The following GMDS variants were observed in gnomAD, a reference collection of about 807,000 sequenced individuals.
GMDS encodes GDP-mannose 4,6 dehydratase.
Under a neutral mutation model 49.9 loss-of-function variants are expected in GMDS, and 20 were observed. The ratio of observed to expected loss-of-function variants is 0.40; its 90% confidence interval spans 0.28 to 0.58. The LOEUF is 0.58. GMDS is among the 20% of genes least tolerant of loss of function. The probability of loss-of-function intolerance (pLI) is 0.42; values close to 1 mark genes in which losing one functional copy is unlikely to be tolerated. For synonymous variants in GMDS, 177 were observed against 178.6 expected, an observed-to-expected ratio of 0.99 and a Z score of 0.07; for missense variants, 362 against 481.4, an observed-to-expected ratio of 0.75 and a Z score of 2.32.
intron 7 of GMDS, among the ~76,000 whole-genome samples, chr6:1,821,610 T>G (rs1242645614): frequency 1.1e-5 from 1 of 90,736 alleles, no homozygotes; most frequent in Non-Finnish European, 2.1e-5. Flanking sequence ...ACAATTTATT[T>G]GTTTTTTTTT....
chr6:1,663,124 T>C (rs186111431), intron 9 of GMDS, among the ~76,000 whole-genome samples: 183 of 152,344 alleles, frequency 1.2e-3, no homozygotes, highest in African/African-American at 4.1e-3. Context: ...TGCTCAAATA[T>C]GATACTTAGG....
intron 7 of GMDS, among the ~76,000 whole-genome samples, chr6:1,917,301 T>C (rs193105713): frequency 2.6e-4 from 40 of 152,330 alleles, no homozygotes; most frequent in African/African-American, 8.7e-4. Context: ...GGTAAGTCAC[T>C]GCACTGAGGA....
chr6:2,139,425 T>A (rs754633273), intron 1 of GMDS, among the ~76,000 whole-genome samples: 4 of 152,214 alleles, frequency 2.6e-5, no homozygotes, highest in Non-Finnish European at 5.9e-5. Flanking sequence ...AACAGAAATA[T>A]ATCGTGCACT....
chr6:1,789,661 T>C (rs1046588190), intron 7 of GMDS, among the ~76,000 whole-genome samples: 6 of 150,560 alleles, frequency 4.0e-5, no homozygotes, highest in African/African-American at 9.7e-5. Flanking sequence ...TTAGCCTCCC[T>C]AGTAGCTGGG....
At chr6:2,206,845 G>T (rs147035422) in intron 1 of GMDS, among the ~76,000 whole-genome samples, 16 of 152,300 alleles carry the variant, frequency 1.1e-4, no homozygotes, top group African/African-American at 3.9e-4. Flanking sequence ...GAACAGTACA[G>T]ATGATATTCC....
intron 7 of GMDS, among the ~76,000 whole-genome samples, chr6:1,775,164 T>C (rs1392669017): frequency 6.6e-6 from 1 of 152,188 alleles, no homozygotes; most frequent in Non-Finnish European, 1.5e-5. Context: ...AGCAAGCGCA[T>C]GCATGGCTGA....
At chr6:1,995,538 A>G (rs557778871) in intron 4 of GMDS, among the ~76,000 whole-genome samples, 1 of 152,328 alleles carries the variant, frequency 6.6e-6, no homozygotes, top group South Asian at 2.1e-4. Flanking sequence ...CATCCGCACT[A>G]ACATTTCCAT....
intron 7 of GMDS, among the ~76,000 whole-genome samples, chr6:1,786,759 C>T (rs963528609): frequency 2.0e-5 from 3 of 151,128 alleles, no homozygotes; most frequent in Admixed American, 6.6e-5. Context: ...AGTTGTATAG[C>T]GAAATTATTA....
At position 1,871,144 on chromosome 6, in the gene GMDS, G is replaced by C. The variant is rs536482545; in HGVS notation, c.771+58959C>G. On this transcript the variant is annotated intron_variant, in intron 7 of 10. Transcript: ENST00000380815. Reference sequence around the variant, plus strand: ...ACAAGGAGAGTTAACGAGTACCAAGGGTTAAAAGGGGCTGGCCAGAAAGGG... The same window carrying C: ...ACAAGGAGAGTTAACGAGTACCAAGCGTTAAAAGGGGCTGGCCAGAAAGGG... 4.6e-5 allele frequency among the ~76,000 whole-genome samples: 7 copies of C among 151,924 alleles called. No homozygotes were observed. The South Asian group carries it at 1.5e-3, about 32-fold the overall frequency.
At chr6:1,644,123 G>A (rs1188044461) in intron 9 of GMDS, among the ~76,000 whole-genome samples, 1 of 152,214 alleles carries the variant, frequency 6.6e-6, no homozygotes, top group South Asian at 2.1e-4. Context: ...AGGTCAGCAC[G>A]GCACCTCAGC....
At chr6:2,131,023 T>C (rs1775708890) in intron 1 of GMDS, among the ~76,000 whole-genome samples, 1 of 152,136 alleles carries the variant, frequency 6.6e-6, no homozygotes, top group South Asian at 2.1e-4. Flanking sequence ...ATCAAGAACA[T>C]GTACAAAATT....
At chr6:1,672,569 A>G (rs567015570) in intron 9 of GMDS, among the ~76,000 whole-genome samples, 81 of 152,356 alleles carry the variant, frequency 5.3e-4, no homozygotes, top group Non-Finnish European at 1.1e-3. Context: ...AATAAGCAAA[A>G]TCTGATGCTG....
chr6:2,171,802 C>A (rs1269328335), intron 1 of GMDS, among the ~76,000 whole-genome samples: 3 of 151,182 alleles, frequency 2.0e-5, no homozygotes, highest in Admixed American at 2.0e-4. Context: ...GTGCAAAGAG[C>A]CACAATGAAA....
rs137970346 is a variant in GMDS at position 1,726,151 on chromosome 6, G to A, written c.987+265C>T. ...AGGAGACCAACATGAGGAGATCTGC[G>A]TGTGATGTGAGATTCCATTTCTGAA... On this transcript the variant is annotated intron_variant, in intron 9 of 10. Transcript: ENST00000380815. Among the ~76,000 whole-genome samples the A allele has an allele frequency of 5.9e-5, 9 of 152,362 alleles. No homozygotes were observed. The South Asian group carries it at 6.2e-4, about 11-fold the overall frequency.
chr6:1,846,628 C>T (rs1757425916), intron 7 of GMDS, among the ~76,000 whole-genome samples: 1 of 152,258 alleles, frequency 6.6e-6, no homozygotes, highest in Non-Finnish European at 1.5e-5. Context: ...TCTTTCCAAT[C>T]CTAGATTGTG....
intron 4 of GMDS, among the ~76,000 whole-genome samples, chr6:2,007,670 C>T (rs538205938): frequency 1.3e-5 from 2 of 152,070 alleles, no homozygotes; most frequent in South Asian, 4.1e-4. Flanking sequence ...TATTACATAG[C>T]TTGACACTGT....
At chr6:2,113,939 C>A (rs984886992) in intron 4 of GMDS, among the ~76,000 whole-genome samples, 3 of 152,154 alleles carry the variant, frequency 2.0e-5, no homozygotes, top group Non-Finnish European at 4.4e-5. Context: ...AAAAGATAAA[C>A]TTCACATGTG....
intron 1 of GMDS, among the ~76,000 whole-genome samples, chr6:2,171,957 C>T (rs1390665679): frequency 6.6e-6 from 1 of 152,168 alleles, no homozygotes; most frequent in Non-Finnish European, 1.5e-5. Context: ...AGAAACAACT[C>T]ACGTGGCCGG....
chr6:1,843,732 C>T (rs778106729), intron 7 of GMDS, among the ~76,000 whole-genome samples: 5 of 152,146 alleles, frequency 3.3e-5, no homozygotes, highest in African/African-American at 4.8e-5. Context: ...CGTGCCACTG[C>T]AACTCCAGCC....
Sources: allele counts gnomAD v4.1 joint callset (sites outside exome capture counted in the v4.1 genomes callset), GRCh38; gene constraint gnomAD v4.1.1; transcripts MANE v1.5; gene names NCBI Gene and HGNC (gene_info 2026-07-23, HGNC 2026-07-21).